Variants in UBXN10 observed in about 807,000 individuals in gnomAD.
UBXN10 encodes UBX domain protein 10.
Under a neutral mutation model 6.9 loss-of-function variants are expected in UBXN10, and 6 were observed. The ratio of observed to expected loss-of-function variants is 0.87; its 90% CI spans 0.48 to 1.72. The LOEUF is 1.72. UBXN10 is among the 40% of genes most tolerant of loss of function. UBXN10 has a pLI of 0.01. For missense variants in UBXN10, 317 were observed against 348.4 expected, an observed-to-expected ratio of 0.91 and a Z score of 0.72; for synonymous variants, 131 against 135.2, an observed-to-expected ratio of 0.97 and a Z score of 0.21.
chr1:20,184,951 CA>C (rs2018341587), upstream of UBXN10, among the ~76,000 whole-genome samples: 1 of 151,948 alleles, frequency 6.6e-6, no homozygotes, highest in East Asian at 1.9e-4. Context: ...CCCAAGACTT[CA>C]AGACCACCCT....
rs377504408 is a variant in UBXN10 at position 20,190,685 on chromosome 1, G to A, written c.124G>A (p.Ala42Thr). The A allele has an allele frequency of 8.1e-6, 13 of 1,612,528 alleles. No individual in the cohort carries two copies. The highest frequency in any genetic ancestry group is 1.7e-4 in the Middle Eastern group (1 of 6,060). ...TATGCACATGATAAGGCCCAAGTCC[G>A]CCAAGGGACGGACAAGACCGAGTCT... ...LNMHMIRPKS[A>T]KGRTRPSLQK... Residue 42 changes from alanine to threonine, a missense_variant, in exon 2 of 2, where the codon GCC becomes ACC. Coordinates refer to ENST00000375099, the MANE Select transcript of UBXN10 (RefSeq NM_152376.5).
At chr1:20,183,462 T>C (rs1444166563), upstream of UBXN10, among the ~76,000 whole-genome samples, 1 of 152,196 alleles carries the variant, frequency 6.6e-6, no homozygotes, top group African/African-American at 2.4e-5. Context: ...GTTGTAAAAT[T>C]GCTCTGCTGC....
chr1:20,192,723 C>T lies in UBXN10; in HGVS notation c.*1319C>T, dbSNP rs935996183. The T allele has an allele frequency of 6.0e-5, 10 of 167,050 alleles. No individual in the cohort carries two copies. The highest frequency in any genetic ancestry group is 4.2e-4 in the South Asian group (2 of 4,816). 10.3% of individuals were successfully genotyped at this position (167,050 alleles called of 1,614,324 possible). A position where few individuals can be genotyped will look rare whatever the true frequency, so the allele number is the denominator to read the frequency against. On this transcript the variant is annotated 3_prime_UTR_variant, in exon 2 of 2. Transcript: ENST00000375099. The stretch of plus-strand genomic sequence containing the variant: ...AGTCCTGAGTTCTGGTGTGTGCTCC[C>T]GCCTCCTGGGTATACAGAGAGAAGG...
chr1:20,190,703 C>T lies in UBXN10; in HGVS notation c.142C>T (p.Pro48Ser), dbSNP rs2100735212. The change falls in exon 2 of 2, where the codon CCG (proline) becomes TCG (serine). Residue 48 changes from proline to serine, a missense_variant. Coordinates refer to ENST00000375099, the MANE Select transcript of UBXN10 (RefSeq NM_152376.5). ...CAAGTCCGCCAAGGGACGGACAAGA[C>T]CGAGTCTGCAGAAATCCCAGGGCGT... ...RPKSAKGRTR[P>S]SLQKSQGVEV... 6.2e-7 allele frequency: 1 copy of T among 1,613,392 alleles called. No individual in the cohort carries two copies. Among genetic ancestry groups the T allele is most frequent in the South Asian group, 1.1e-5 (1 of 91,026 alleles).
At chr1:20,184,989 C>T (rs1409740831), upstream of UBXN10, among the ~76,000 whole-genome samples, 1 of 151,932 alleles carries the variant, frequency 6.6e-6, no homozygotes, top group African/African-American at 2.4e-5. Context: ...CCCCATTCTA[C>T]AAAAAATAAT....
At chr1:20,188,523 C>T (rs1209461190) in intron 1 of UBXN10, among the ~76,000 whole-genome samples, 1 of 152,192 alleles carries the variant, frequency 6.6e-6, no homozygotes, top group African/African-American at 2.4e-5. Flanking sequence ...GGTTAGAATA[C>T]AAACCCTGAG....
At chr1:20,186,586 C>G (rs931776309) in intron 1 of UBXN10, 3 of 152,384 alleles carry the variant, frequency 2.0e-5, no homozygotes, top group Non-Finnish European at 2.9e-5. Flanking sequence ...TCTTTCTCGC[C>G]CCTCCCCCAG....
upstream of UBXN10, among the ~76,000 whole-genome samples, chr1:20,185,291 T>C (rs1271866960): frequency 1.3e-5 from 2 of 152,166 alleles, no homozygotes; most frequent in South Asian, 4.2e-4. Flanking sequence ...TCAATACCCG[T>C]GTGTAGGTGG....
chr1:20,191,442 C>A lies in UBXN10; in HGVS notation c.*38C>A. The A allele has an allele frequency of 6.3e-7, 1 of 1,581,210 alleles. No individual in the cohort carries two copies. Among genetic ancestry groups the A allele is most frequent in the South Asian group, 1.2e-5 (1 of 85,162 alleles). ...CCAGCTGAGGTCCTGGGTCTCTGAG[C>A]AAAGGAGCATGCTTGGGCGTTGTGG... On this transcript the variant is annotated 3_prime_UTR_variant, in exon 2 of 2. Coordinates refer to ENST00000375099, the MANE Select transcript of UBXN10 (RefSeq NM_152376.5). The surrounding 1 kb of genome is among the most constrained non-coding windows in gnomAD (Gnocchi z 4.5).
upstream of UBXN10, among the ~76,000 whole-genome samples, chr1:20,183,946 G>A (rs918307769): frequency 2.0e-5 from 3 of 152,196 alleles, no homozygotes; most frequent in Non-Finnish European, 4.4e-5. Context: ...GTATGTGCCA[G>A]ACACCAGGCA....
At position 20,192,982 on chromosome 1, in the gene UBXN10, T is replaced by C. The variant is rs1237502665; in HGVS notation, c.*1578T>C. 2 of 167,110 alleles carry C rather than the reference T, an allele frequency of 1.2e-5. No homozygotes were observed. The highest frequency in any genetic ancestry group is 4.8e-5 in the African/African-American group (2 of 41,454). 10.4% of individuals were successfully genotyped at this position (167,110 alleles called of 1,614,324 possible). On this transcript the variant is annotated 3_prime_UTR_variant, in exon 2 of 2. Transcript: ENST00000375099. ...CTGAATGTTTTATAGAATTTCTTAATACCATCCTGGTTTGGTCAGCCATTC... is the reference window on the plus strand; with the variant it reads ...CTGAATGTTTTATAGAATTTCTTAACACCATCCTGGTTTGGTCAGCCATTC...
At chr1:20,184,197 G>GCACACGCA (rs1553184787), upstream of UBXN10, 11 of 149,618 alleles carry the variant, frequency 7.4e-5, no homozygotes, top group South Asian at 2.3e-3. Context: ...GTGCGCACAC[G>GCACACGCA]CACACACACA....
At chr1:20,183,999 C>G (rs919290519), upstream of UBXN10, among the ~76,000 whole-genome samples, 7 of 152,158 alleles carry the variant, frequency 4.6e-5, 1 homozygote, top group Non-Finnish European at 1.0e-4. Flanking sequence ...TATAGAAGGT[C>G]GGGCACAAAG....
At chr1:20,184,858 G>A (rs1417626185), upstream of UBXN10, among the ~76,000 whole-genome samples, 1 of 152,160 alleles carries the variant, frequency 6.6e-6, no homozygotes, top group Non-Finnish European at 1.5e-5. Flanking sequence ...AATAGCCATT[G>A]AGAAGAAAGG....
chr1:20,191,087 G>A lies in UBXN10; in HGVS notation c.526G>A (p.Val176Ile), dbSNP rs1187611365. Residue 176 changes from valine to isoleucine, a missense_variant, in exon 2 of 2, where the codon GTC (valine) becomes ATC (isoleucine). Physicochemically the swap from Val to Ile is conservative, Grantham distance 29. Coordinates refer to ENST00000375099, the MANE Select transcript of UBXN10 (RefSeq NM_152376.5). This position sits in a 1 kb window ranked among gnomAD's most constrained non-coding sequence, Gnocchi z 4.5. ...TTGTGCCGTGGAGAGGAAATTCATC[G>A]TCCGAACCAAGAAACAGGGCTCTTC... ...RACAVERKFI[V>I]RTKKQGSSRA... is the part of the protein sequence containing the mutation. 2.9e-5 allele frequency: 46 copies of A among 1,613,970 alleles called. No individual in the cohort carries two copies. Among genetic ancestry groups the A allele is most frequent in the South Asian group, 4.4e-5 (4 of 91,078 alleles).
rs960385357 is a variant in UBXN10, at chr1:20,193,415, T to G, written c.*2011T>G. 1 of 167,084 alleles carries G rather than the reference T, an allele frequency of 6.0e-6. No individual in the cohort carries two copies. The highest frequency in any genetic ancestry group is 1.5e-5 in the Non-Finnish European group (1 of 68,122). 10.4% of individuals were successfully genotyped at this position (167,084 alleles called of 1,614,324 possible). On this transcript the variant is annotated 3_prime_UTR_variant, in exon 2 of 2. Transcript: ENST00000375099. ...ATAAGCATAGAAATATTTTAGGATATTTTAGGATATGTGAATAAAGCTAGA... is the reference window on the plus strand; with the variant it reads ...ATAAGCATAGAAATATTTTAGGATAGTTTAGGATATGTGAATAAAGCTAGA...
rs1175965075 is a variant in UBXN10, at chr1:20,194,065, T to G, written c.*2661T>G. Reference sequence around the variant, plus strand: ...AAAACATGAACCCACCATTGGACTCTCAACTCAAACCTTACTGAAGTCAGT... The same window carrying G: ...AAAACATGAACCCACCATTGGACTCGCAACTCAAACCTTACTGAAGTCAGT... On this transcript the variant is annotated 3_prime_UTR_variant, in exon 2 of 2. Transcript: ENST00000375099. The G allele has an allele frequency of 6.0e-6, 1 of 167,108 alleles. No homozygotes were observed. Among genetic ancestry groups the G allele is most frequent in the East Asian group, 1.9e-4 (1 of 5,204 alleles). The allele number at this position is 167,108 out of a possible 1,614,324, so 10.4% of individuals were successfully genotyped here. A position where few individuals can be genotyped will look rare whatever the true frequency, so the allele number is the denominator to read the frequency against.
rs116140456 is a variant in UBXN10 at position 20,191,436 on chromosome 1, T to C, written c.*32T>C. ...AGCCACCCAGCTGAGGTCCTGGGTC[T>C]CTGAGCAAAGGAGCATGCTTGGGCG... On this transcript the variant is annotated 3_prime_UTR_variant, in exon 2 of 2. Transcript: ENST00000375099. The surrounding 1 kb of genome is among the most constrained non-coding windows in gnomAD (Gnocchi z 4.5). 4,784 of 1,588,516 alleles carry C rather than the reference T, an allele frequency of 3.0e-3. 122 individuals are homozygous for C. The African/African-American group carries it at 0.055, about 18-fold the overall frequency.
At chr1:20,189,793 G>A (rs1210337272) in intron 1 of UBXN10, among the ~76,000 whole-genome samples, 1 of 152,220 alleles carries the variant, frequency 6.6e-6, no homozygotes, top group Non-Finnish European at 1.5e-5. Flanking sequence ...CATACAGAAT[G>A]TGATGTGCTG....
Sources: gnomAD v4.1 joint callset for allele counts (sites outside exome capture counted in the v4.1 genomes callset) on GRCh38, gnomAD v4.1.1 for gene constraint, Gnocchi (gnomAD v3.1) non-coding constraint, MANE v1.5 for transcripts, NCBI Gene and HGNC (gene_info 2026-07-23, HGNC 2026-07-21) for gene names.